Variants in EPHA6 observed in about 807,000 individuals in gnomAD.
EPHA6 encodes ephrin type-A receptor 6.
Under a neutral mutation model 112.0 loss-of-function variants are expected in EPHA6, and 50 were observed. The ratio of observed to expected loss-of-function variants is 0.45; its 90% CI spans 0.36 to 0.56. The LOEUF is 0.56. Ranked by LOEUF, EPHA6 falls within the 20% of genes least tolerant of loss-of-function variation. EPHA6 has a pLI of 0.00. For missense variants in EPHA6, 1,280 were observed against 1,417.4 expected, an observed-to-expected ratio of 0.90 and a Z score of 1.56; for synonymous variants, 529 against 490.7, an observed-to-expected ratio of 1.08 and a Z score of -1.03.
chr3:97,373,681 AAGAG>A (rs2085192575), intron 5 of EPHA6, among the ~76,000 whole-genome samples: 1 of 152,260 alleles, frequency 6.6e-6, no homozygotes, highest in Middle Eastern at 3.4e-3. Context: ...TGTGATTTGA[AAGAG>A]AGAGGTGATC....
At chr3:97,254,651 T>C in intron 5 of EPHA6, among the ~76,000 whole-genome samples, 1 of 152,320 alleles carries the variant, frequency 6.6e-6, no homozygotes, top group Middle Eastern at 3.4e-3. Flanking sequence ...CTAAAGAGAA[T>C]GTAGAGTTCA....
intron 5 of EPHA6, among the ~76,000 whole-genome samples, chr3:97,384,322 A>G (rs9878083): frequency 0.12 from 18,323 of 152,208 alleles, 3,536 homozygotes; most frequent in African/African-American, 0.4. Context: ...TAAAGTGATG[A>G]TAGTCTCATG....
chr3:97,406,722 C>A (rs1215271386), intron 6 of EPHA6, among the ~76,000 whole-genome samples: 1 of 152,088 alleles, frequency 6.6e-6, no homozygotes, highest in African/African-American at 2.4e-5. Context: ...TAAAAACTGT[C>A]ATTATCTTTA....
At chr3:97,343,934 A>G (rs1254127724) in intron 5 of EPHA6, among the ~76,000 whole-genome samples, 1 of 152,158 alleles carries the variant, frequency 6.6e-6, no homozygotes, top group African/African-American at 2.4e-5. Flanking sequence ...TTAAAGTCTC[A>G]TGGGATCTGA....
intron 3 of EPHA6, among the ~76,000 whole-genome samples, chr3:97,074,534 T>C (rs2046457063): frequency 1.3e-5 from 2 of 151,934 alleles, no homozygotes; most frequent in African/African-American, 4.8e-5. Flanking sequence ...GATCTTGAGA[T>C]ATTTTTGTTC....
chr3:97,429,433 C>A (rs562708655), intron 6 of EPHA6, among the ~76,000 whole-genome samples: 1 of 152,142 alleles, frequency 6.6e-6, no homozygotes, highest in South Asian at 2.1e-4. Flanking sequence ...TTGTTTATTT[C>A]ACTGAAGTAT....
intron 2 of EPHA6, among the ~76,000 whole-genome samples, chr3:96,954,820 T>C (rs189373463): frequency 0.032 from 3,889 of 120,656 alleles, 92 homozygotes; most frequent in South Asian, 0.067. Flanking sequence ...GGAGTCTCGC[T>C]CTGTCGCCCA....
intron 7 of EPHA6, among the ~76,000 whole-genome samples, chr3:97,458,067 C>CA (rs68128372): frequency 0.79 from 39,875 of 50,542 alleles, 17,777 homozygotes; most frequent in South Asian, 0.91. Context: ...GACTCCGTCT[C>CA]AAAAAAAAAA....
At chr3:96,993,656 A>G (rs1277950480) in intron 3 of EPHA6, among the ~76,000 whole-genome samples, 1 of 152,152 alleles carries the variant, frequency 6.6e-6, no homozygotes, top group Non-Finnish European at 1.5e-5. Flanking sequence ...CTCATTATTA[A>G]TTAGGCCTGC....
chr3:97,610,487 A>T (rs1022899329), intron 12 of EPHA6, among the ~76,000 whole-genome samples: 1 of 151,660 alleles, frequency 6.6e-6, no homozygotes. Flanking sequence ...CTAAGGAAAA[A>T]CTAGAGGACA....
chr3:97,698,910 T>A (rs2033202580), intron 14 of EPHA6, among the ~76,000 whole-genome samples: 1 of 152,182 alleles, frequency 6.6e-6, no homozygotes, highest in African/African-American at 2.4e-5. Context: ...GACAAGTAAA[T>A]ATGTCTGTGA....
intron 3 of EPHA6, among the ~76,000 whole-genome samples, chr3:97,214,537 T>C (rs2077978754): frequency 2.6e-5 from 4 of 151,262 alleles, no homozygotes; most frequent in Admixed American, 2.6e-4. Flanking sequence ...ACTGTATTCA[T>C]ATTTAGTTTG....
intron 2 of EPHA6, among the ~76,000 whole-genome samples, chr3:96,954,463 A>C (rs1287015809): frequency 2.0e-5 from 3 of 152,086 alleles, no homozygotes; most frequent in African/African-American, 7.2e-5. Context: ...GCTTGCTCCC[A>C]AGTTATGTTT....
At chr3:97,459,706 C>T (rs2090821260) in intron 7 of EPHA6, among the ~76,000 whole-genome samples, 1 of 152,138 alleles carries the variant, frequency 6.6e-6, no homozygotes, top group South Asian at 2.1e-4. Context: ...AAAATAAAAC[C>T]TTCCAAATAT....
chr3:97,597,099 G>C (rs2093601205), intron 12 of EPHA6, among the ~76,000 whole-genome samples: 1 of 151,648 alleles, frequency 6.6e-6, no homozygotes, highest in South Asian at 2.1e-4. Flanking sequence ...TGTGGGACTT[G>C]GAAATAGACA....
Position 97,749,432 on chromosome 3 carries a change from T to TTTTA in EPHA6, c.*751_*754dup, listed in dbSNP as rs747450993. Reference sequence around the variant, plus strand: ...TAGTTTAAAGGCTTTTCACCTCTAATTTTATTTATTTATTTATTTATTTTT... The same window carrying TTTTA: ...TAGTTTAAAGGCTTTTCACCTCTAATTTTATTTATTTATTTATTTATTTATTTTT... On this transcript the variant is annotated 3_prime_UTR_variant, in exon 18 of 18. Coordinates refer to ENST00000389672, the MANE Select transcript of EPHA6 (RefSeq NM_001080448.3). Among the ~76,000 whole-genome samples the TTTTA allele has an allele frequency of 6.6e-5, 10 of 152,104 alleles. No homozygotes were observed. The highest frequency in any genetic ancestry group is 2.1e-4 in the South Asian group (1 of 4,828).
intron 2 of EPHA6, among the ~76,000 whole-genome samples, chr3:96,924,697 C>T (rs2039944827): frequency 6.6e-6 from 1 of 152,102 alleles, no homozygotes; most frequent in African/African-American, 2.4e-5. Context: ...TGAGAGAGGG[C>T]ATCCTTGTCT....
chr3:97,571,669 G>C (rs988974681), intron 11 of EPHA6, among the ~76,000 whole-genome samples: 2 of 132,604 alleles, frequency 1.5e-5, no homozygotes, highest in Admixed American at 7.5e-5. Flanking sequence ...AACTCATAAT[G>C]AAACTCTTTC....
At position 97,524,966 on chromosome 3, in the gene EPHA6, A is replaced by T. The variant is rs775021110; in HGVS notation, c.2201-7392A>T. Among the ~76,000 whole-genome samples, 5 of 152,132 alleles carry T rather than the reference A, an allele frequency of 3.3e-5. 1 individual carries two copies. The highest frequency in any genetic ancestry group is 7.4e-5 in the Non-Finnish European group (5 of 68,010). On this transcript the variant is annotated intron_variant, in intron 10 of 17. Coordinates refer to ENST00000389672, the MANE Select transcript of EPHA6 (RefSeq NM_001080448.3). ...AACCAATGAGATTTAAGGCAGCAAG[A>T]ATTTTGAGTTTATCTCTATTGAGTT...
Sources: allele counts gnomAD v4.1 joint callset (sites outside exome capture counted in the v4.1 genomes callset), GRCh38; gene constraint gnomAD v4.1.1; transcripts MANE v1.5; gene names NCBI Gene and HGNC (gene_info 2026-07-23, HGNC 2026-07-21).